ASTN2: variants seen among roughly 807,000 people sequenced by gnomAD.
The protein encoded by ASTN2 is astrotactin-2.
Under a neutral mutation model 139.8 loss-of-function variants are expected in ASTN2, and 54 were observed. That is an observed-to-expected ratio of 0.39 (90% CI 0.31 to 0.48). ASTN2 has a LOEUF of 0.48. ASTN2 is among the 20% of genes least tolerant of loss of function. The probability of loss-of-function intolerance (pLI) is 0.95; values close to 1 mark genes in which losing one functional copy is unlikely to be tolerated. For missense variants in ASTN2, 1,565 were observed against 1,725.1 expected (o/e 0.91, Z 1.64); for synonymous variants, 756 against 719.5 (o/e 1.05, Z -0.81).
intron 1 of ASTN2, among the ~76,000 whole-genome samples, chr9:117,303,127 T>C (rs1834915722): frequency 6.6e-6 from 1 of 152,146 alleles, no homozygotes; most frequent in Non-Finnish European, 1.5e-5. Flanking sequence ...CTTCCCTGAC[T>C]TCACGAACTT....
chr9:116,659,075 T>G (rs964406335), intron 16 of ASTN2, among the ~76,000 whole-genome samples: 6 of 152,150 alleles, frequency 3.9e-5, no homozygotes, highest in Admixed American at 3.9e-4. Context: ...AACACATATG[T>G]ATATACTTTT....
At chr9:117,323,487 GC>G (rs1336666949) in intron 1 of ASTN2, among the ~76,000 whole-genome samples, 1 of 152,130 alleles carries the variant, frequency 6.6e-6, no homozygotes, top group Non-Finnish European at 1.5e-5. Flanking sequence ...TTATGGCTTT[GC>G]CAGCCTGAAG....
At chr9:116,504,279 T>C (rs1279306126) in intron 19 of ASTN2, 5 of 152,170 alleles carry the variant, frequency 3.3e-5, no homozygotes, top group Non-Finnish European at 5.9e-5. Flanking sequence ...TGGAATGTGG[T>C]AGCATTGTGA....
At chr9:117,091,456 C>G (rs970932221) in intron 5 of ASTN2, among the ~76,000 whole-genome samples, 3 of 152,050 alleles carry the variant, frequency 2.0e-5, no homozygotes, top group Non-Finnish European at 2.9e-5. Flanking sequence ...ATAGTGGTGA[C>G]CAAGTCTACA....
intron 1 of ASTN2, among the ~76,000 whole-genome samples, chr9:117,296,277 CAAAAAAAAAA>C (rs5900277): frequency 1.4e-4 from 10 of 71,008 alleles, no homozygotes; most frequent in East Asian, 4.7e-4. Flanking sequence ...GACTGCATCT[CAAAAAAAAAA>C]AAAAAAAAAA....
chr9:116,687,311 C>G, intron 16 of ASTN2: 1 of 979,706 alleles, frequency 1.0e-6, no homozygotes, highest in Non-Finnish European at 1.2e-6. Context: ...GGGTGCTCAA[C>G]GGCGCGTGCG....
intron 1 of ASTN2, among the ~76,000 whole-genome samples, chr9:117,351,797 A>T (rs1438245993): frequency 1.3e-5 from 2 of 152,086 alleles, no homozygotes. Context: ...TTAGTTCATT[A>T]ATTTGGATGG....
At chr9:116,958,872 C>A (rs912966878) in intron 10 of ASTN2, among the ~76,000 whole-genome samples, 6 of 152,008 alleles carry the variant, frequency 3.9e-5, no homozygotes, top group African/African-American at 1.5e-4. Context: ...ATTACAAAGG[C>A]AAGGAAACAC....
intron 1 of ASTN2, among the ~76,000 whole-genome samples, chr9:117,375,118 A>G (rs1364066912): frequency 6.6e-6 from 1 of 152,206 alleles, no homozygotes; most frequent in Non-Finnish European, 1.5e-5. Flanking sequence ...CCTCCTGTAC[A>G]TGTATGCACC....
intron 11 of ASTN2, among the ~76,000 whole-genome samples, chr9:116,850,410 G>T (rs1482768377): frequency 1.3e-5 from 2 of 152,128 alleles, no homozygotes; most frequent in Non-Finnish European, 2.9e-5. Flanking sequence ...GAATCTGTGT[G>T]CTGGGAAGCC....
At chr9:117,090,990 C>T (rs1343675540) in intron 5 of ASTN2, among the ~76,000 whole-genome samples, 1 of 152,220 alleles carries the variant, frequency 6.6e-6, no homozygotes, top group Admixed American at 6.5e-5. Context: ...GACAGTCACA[C>T]TCAAAGAACC....
intron 20 of ASTN2, among the ~76,000 whole-genome samples, chr9:116,454,937 A>C (rs1416561626): frequency 6.6e-6 from 1 of 152,194 alleles, no homozygotes; most frequent in African/African-American, 2.4e-5. Flanking sequence ...TACCTAATGC[A>C]AATGAAAAGT....
At chr9:116,579,113 G>A (rs1588033004) in intron 19 of ASTN2, 2 of 151,998 alleles carry the variant, frequency 1.3e-5, no homozygotes, top group South Asian at 2.1e-4. Flanking sequence ...TTGCTACTGT[G>A]GGATGACTAC....
At chr9:116,486,695 G>T (rs2119079952) in intron 20 of ASTN2, among the ~76,000 whole-genome samples, 1 of 152,224 alleles carries the variant, frequency 6.6e-6, no homozygotes, top group South Asian at 2.1e-4. Flanking sequence ...GTTGCATCTA[G>T]ATCTAAAAAC....
intron 16 of ASTN2, among the ~76,000 whole-genome samples, chr9:116,677,481 T>A (rs1859580143): frequency 6.6e-6 from 1 of 152,090 alleles, no homozygotes; most frequent in Admixed American, 6.6e-5. Context: ...TTGTAATAAC[T>A]AGGTAGGAAA....
At chr9:116,809,506 A>C (rs1397605961) in intron 12 of ASTN2, among the ~76,000 whole-genome samples, 2 of 152,144 alleles carry the variant, frequency 1.3e-5, no homozygotes, top group Non-Finnish European at 1.5e-5. Context: ...ATAGTAATAA[A>C]GTAATACTCC....
At chr9:117,277,655 T>C (rs1834226633) in intron 2 of ASTN2, among the ~76,000 whole-genome samples, 1 of 152,158 alleles carries the variant, frequency 6.6e-6, no homozygotes, top group Non-Finnish European at 1.5e-5. Flanking sequence ...TATCAGGCAA[T>C]TTTTAAACCT....
chr9:117,399,759 G>A (rs937182235), intron 1 of ASTN2, among the ~76,000 whole-genome samples: 1 of 152,194 alleles, frequency 6.6e-6, no homozygotes, highest in Non-Finnish European at 1.5e-5. Flanking sequence ...TTAACACCAG[G>A]CAGAGATGCC....
intron 1 of ASTN2, among the ~76,000 whole-genome samples, chr9:117,376,818 A>G (rs1373765725): frequency 1.3e-5 from 2 of 152,212 alleles, no homozygotes; most frequent in Non-Finnish European, 2.9e-5. Flanking sequence ...TAGGAGCTCA[A>G]TAAATGGTAG....
Sources: allele counts gnomAD v4.1 joint callset (sites outside exome capture counted in the v4.1 genomes callset), GRCh38; gene constraint gnomAD v4.1.1; transcripts MANE v1.5; gene names NCBI Gene and HGNC (gene_info 2026-07-23, HGNC 2026-07-21).